The following NPR1 variants were observed in gnomAD, a reference collection of about 807,000 sequenced individuals.
NPR1 encodes atrial natriuretic peptide receptor 1.
A neutral mutation model predicts 116.9 loss-of-function variants in NPR1; 57 were observed. The ratio of observed to expected loss-of-function variants is 0.49; its 90% CI spans 0.39 to 0.61. The LOEUF is 0.61. NPR1 is among the 20% of genes least tolerant of loss of function. The pLI is 0.00. For missense variants in NPR1, 1,096 were observed against 1,409.8 expected (o/e 0.78, Z 3.56); for synonymous variants, 555 against 601.6 (o/e 0.92, Z 1.13).
intron 9 of NPR1, 104 bp downstream of exon 9, chr1:153,685,984 C>T: frequency 7.2e-7 from 1 of 1,386,140 alleles, no homozygotes; most frequent in African/African-American, 1.4e-5. Context: ...TGGTGGGGAG[C>T]AGCAGATGGG....
chr1:153,683,818 T>A lies in NPR1; in HGVS notation c.1478T>A (p.Ile493Lys). Residue 493 changes from isoleucine (I) to lysine (K), a missense_variant, in exon 7 of 22, where the codon ATA (isoleucine) becomes AAA (lysine). By Grantham distance (102) the Ile-to-Lys change is moderately radical. Coordinates refer to ENST00000368680, the MANE Select transcript of NPR1 (RefSeq NM_000906.4). ...LLGILIVSFF[I>K]YRKMQLEKEL... ...GGCATTCTGATTGTCTCCTTCTTCATATACAGGTGAGCTGTGATGTGGGGG... is the reference window on the plus strand; with the variant it reads ...GGCATTCTGATTGTCTCCTTCTTCAAATACAGGTGAGCTGTGATGTGGGGG... 7 of 1,613,466 alleles carry A rather than the reference T, an allele frequency of 4.3e-6. No homozygotes were observed. Among genetic ancestry groups the A allele is most frequent in the Non-Finnish European group, 5.9e-6 (7 of 1,179,878 alleles).
chr1:153,680,935 T>C, intron 2 of NPR1: 1 of 598,296 alleles, frequency 1.7e-6, no homozygotes, highest in Non-Finnish European at 2.9e-6. Context: ...GCTAAAAAGA[T>C]AAGAAAATGG....
chr1:153,690,114 C>CTTCTCTCTCTCTG (rs1557966032), intron 19 of NPR1, 134 bp downstream of exon 19: 1 of 320,920 alleles, frequency 3.1e-6, no homozygotes, highest in Admixed American at 5.5e-5. Flanking sequence ...CTCTGTCTCT[C>CTTCTCTCTCTCTG]TCTCTCTCTC....
At position 153,680,639 on chromosome 1, in the gene NPR1, C is replaced by A. The variant is rs1669744432; in HGVS notation, c.860C>A (p.Ala287Asp). The change falls in exon 2 of 22, where the codon GCT becomes GAT. Residue 287 changes from alanine to aspartate, a missense_variant. Ala to Asp is a moderately radical substitution (Grantham distance 126, BLOSUM62 -2). Transcript: ENST00000368680. ...AGCCTGCAAGGTGGACAGGGCCCTG[C>A]TCCCCGCAGGCCCTGGGAGAGAGGG... Reference protein sequence around the residue: ...GQSLQGGQGPAPRRPWERGDG... With the variant: ...GQSLQGGQGPDPRRPWERGDG... 1 of 1,614,064 alleles carries A rather than the reference C, an allele frequency of 6.2e-7. No individual in the cohort carries two copies. The highest frequency in any genetic ancestry group is 1.3e-5 in the African/African-American group (1 of 74,942).
chr1:153,689,890 A>T lies in NPR1; in HGVS notation c.2842A>T (p.Met948Leu). 1 of 1,580,208 alleles carries T rather than the reference A, an allele frequency of 6.3e-7. No individual in the cohort carries two copies. Among genetic ancestry groups the T allele is most frequent in the Non-Finnish European group, 8.6e-7 (1 of 1,161,570 alleles). The change falls in exon 19 of 22, where the codon ATG becomes TTG. Residue 948 changes from methionine to leucine, a missense_variant. Transcript: ENST00000368680. This position sits in a 1 kb window ranked among gnomAD's most constrained non-coding sequence, Gnocchi z 5.1. ...GCTACACGCCTGCGAGGTAGCCCGC[A>T]TGGCCCTGGCACTGCTGGATGCTGT... is the stretch of plus-strand genomic sequence containing the variant. ...GRLHACEVAR[M>L]ALALLDAVRS...
intron 15 of NPR1, 68 bp downstream of exon 15, chr1:153,688,289 G>C: frequency 6.5e-7 from 1 of 1,541,460 alleles, no homozygotes; most frequent in Non-Finnish European, 8.8e-7. Context: ...AATGCTTCTG[G>C]CTCTGGCTTA....
At chr1:153,680,054 A>G (rs1411622439) in intron 1 of NPR1, among the ~76,000 whole-genome samples, 2 of 87,868 alleles carry the variant, frequency 2.3e-5, no homozygotes, top group East Asian at 6.3e-4. Context: ...CCCGACCCCC[A>G]CTCATTCCCT....
chr1:153,692,811 C>G (rs1001968983), intron 20 of NPR1, among the ~76,000 whole-genome samples: 4 of 152,088 alleles, frequency 2.6e-5, no homozygotes, highest in Admixed American at 6.6e-5. Flanking sequence ...CAGCACCCAG[C>G]CTGAATTTTT....
chr1:153,689,503 C>A lies in NPR1; in HGVS notation c.2739C>A (p.Asp913Glu). The change falls in exon 18 of 22, where the codon GAC (aspartate) becomes GAA (glutamate). Residue 913 changes from aspartate to glutamate, a missense_variant. By Grantham distance (45) the Asp-to-Glu change is conservative. Transcript: ENST00000368680. The surrounding 1 kb of genome is among the most constrained non-coding windows in gnomAD (Gnocchi z 5.1). ...DLYTCFDAVI[D>E]NFDVYKVETI... ...ACACTTGCTTTGATGCTGTCATAGA[C>A]AACTTTGATGTGTACAAGGTGAGGG... 6.2e-7 allele frequency: 1 copy of A among 1,613,908 alleles called. No homozygotes were observed. Among genetic ancestry groups the A allele is most frequent in the Non-Finnish European group, 8.5e-7 (1 of 1,179,846 alleles).
chr1:153,689,263 T>C lies in NPR1; in HGVS notation c.2640T>C (p.Ser880=), dbSNP rs1455981717. Residue 880 remains serine, a synonymous_variant, in exon 17 of 22, where the codon AGT becomes AGC. Transcript: ENST00000368680. The surrounding 1 kb of genome is among the most constrained non-coding windows in gnomAD (Gnocchi z 5.1). ...TTGACAGTGTTACCATCTACTTCAG[T>C]GACATTGTGGGTTTCACAGCGCTGT... ...EAFDSVTIYF[S]DIVGFTALSA... is the part of the protein sequence containing the mutation. The C allele has an allele frequency of 6.2e-7, 1 of 1,614,068 alleles. No individual in the cohort carries two copies. The highest frequency in any genetic ancestry group is 8.5e-7 in the Non-Finnish European group (1 of 1,180,046).
chr1:153,679,157 C>T lies in NPR1; in HGVS notation c.49C>T (p.Leu17Phe). 1 of 1,498,808 alleles carries T rather than the reference C, an allele frequency of 6.7e-7. No individual in the cohort carries two copies. 92.8% of individuals were successfully genotyped at this position (1,498,808 alleles called of 1,614,324 possible). ...TGGCTCCCGCCTGCGCCTGCTCCTGCTCCTGCTGCTGCCGCCGCTGCTGCT... is the reference window on the plus strand; with the variant it reads ...TGGCTCCCGCCTGCGCCTGCTCCTGTTCCTGCTGCTGCCGCCGCTGCTGCT... Reference protein sequence around the residue: ...PAGSRLRLLLLLLLPPLLLLL... With the variant: ...PAGSRLRLLLFLLLPPLLLLL... The change falls in exon 1 of 22, where the codon CTC (leucine) becomes TTC (phenylalanine). Residue 17 changes from leucine to phenylalanine, a missense_variant. Physicochemically the swap from Leu to Phe is conservative, Grantham distance 22. Transcript: ENST00000368680. The surrounding 1 kb of genome is among the most constrained non-coding windows in gnomAD (Gnocchi z 4.2).
chr1:153,685,728 T>C lies in NPR1; in HGVS notation c.1606-78T>C, dbSNP rs1454524869. On this transcript the variant is annotated intron_variant, in intron 8 of 21. Coordinates refer to ENST00000368680, the MANE Select transcript of NPR1 (RefSeq NM_000906.4). ...GATAAGGCAGGATAAGGCAGGGAAATAAAGACCAGAGCACAAGCAATCAGG... is the reference window on the plus strand; with the variant it reads ...GATAAGGCAGGATAAGGCAGGGAAACAAAGACCAGAGCACAAGCAATCAGG... The C allele has an allele frequency of 5.3e-6, 6 of 1,129,452 alleles. No homozygotes were observed. The African/African-American group carries it at 6.2e-5, about 12-fold the overall frequency. 70.0% of individuals were successfully genotyped at this position (1,129,452 alleles called of 1,614,324 possible). A position where few individuals can be genotyped will look rare whatever the true frequency, so the allele number is the denominator to read the frequency against.
chr1:153,683,891 TG>T, intron 7 of NPR1, 67 bp downstream of exon 7: 1 of 1,425,886 alleles, frequency 7.0e-7, no homozygotes. Flanking sequence ...GAGGAGGCGG[TG>T]GGGACCCAGA....
rs757075538 is a variant in NPR1, at chr1:153,693,389, A to C, written c.3161A>C (p.Glu1054Ala). The change falls in exon 22 of 22, where the codon GAG (glutamate) becomes GCG (alanine). Residue 1054 changes from glutamate (E) to alanine (A), a missense_variant. Transcript: ENST00000368680. ...GKVRTYWLLG[E>A]RGSSTRG ...GTTCGGACCTACTGGCTCCTTGGGG[A>C]GAGGGGGAGTAGCACCCGAGGCTGA... 6.2e-7 allele frequency: 1 copy of C among 1,612,404 alleles called. No homozygotes were observed. The highest frequency in any genetic ancestry group is 8.5e-7 in the Non-Finnish European group (1 of 1,179,216).
Position 153,680,551 on chromosome 1 carries a change from G to T in NPR1, c.772G>T (p.Ala258Ser). ...PDAFRTLMLL[A>S]LEAGLCGEDY... ...TGCCTTCAGAACCCTCATGCTCCTGGCCCTGGAAGCTGGCTTGTGTGGGGA... is the reference window on the plus strand; with the variant it reads ...TGCCTTCAGAACCCTCATGCTCCTGTCCCTGGAAGCTGGCTTGTGTGGGGA... Residue 258 changes from alanine (A) to serine (S), a missense_variant, in exon 2 of 22, where the codon GCC (alanine) becomes TCC (serine). Coordinates refer to ENST00000368680, the MANE Select transcript of NPR1 (RefSeq NM_000906.4). The T allele has an allele frequency of 6.2e-7, 1 of 1,614,112 alleles. No individual in the cohort carries two copies. The highest frequency in any genetic ancestry group is 2.2e-5 in the East Asian group (1 of 44,876).
In NPR1 at chr1:153,689,531, G is replaced by A. The variant is rs372543211; in HGVS notation, c.2757+10G>A. 3.7e-6 allele frequency: 6 copies of A among 1,613,004 alleles called. No individual in the cohort carries two copies. In the African/African-American group the frequency reaches 8.0e-5, roughly 22 times the overall value. ...CTTTGATGTGTACAAGGTGAGGGTG[G>A]GAGTGGGGATGGGAAGGGACAGACA... On this transcript the variant is annotated intron_variant, in intron 18 of 21. Transcript: ENST00000368680. The surrounding 1 kb of genome is among the most constrained non-coding windows in gnomAD (Gnocchi z 5.1).
rs1669670206 is a variant in NPR1, at chr1:153,678,793, T to C, written c.-316T>C. 2.9e-6 allele frequency: 1 copy of C among 341,858 alleles called. No individual in the cohort carries two copies. The highest frequency in any genetic ancestry group is 5.2e-6 in the Non-Finnish European group (1 of 191,118). The allele number at this position is 341,858 out of a possible 1,614,324, so 21.2% of individuals were successfully genotyped here. On this transcript the variant is annotated 5_prime_UTR_variant, in exon 1 of 22. Coordinates refer to ENST00000368680, the MANE Select transcript of NPR1 (RefSeq NM_000906.4). The surrounding 1 kb of genome is among the most constrained non-coding windows in gnomAD (Gnocchi z 5.8). ...TTCACGAAGCGCTCACTCGCACCCT[T>C]TCTCTCTCTCTCTCTCTCTCTCTAA... is the stretch of plus-strand genomic sequence containing the variant.
chr1:153,686,674 C>T lies in NPR1; in HGVS notation c.1787C>T (p.Thr596Ile). Residue 596 changes from threonine (T) to isoleucine (I), a missense_variant, in exon 11 of 22, where the codon ACC becomes ATC. Coordinates refer to ENST00000368680, the MANE Select transcript of NPR1 (RefSeq NM_000906.4). ...CGGGATGTGCAGAATGAACACCTGA[C>T]CAGGTTTGTGGGAGCCTGCACCGAC... The part of the protein sequence containing the change: ...HMRDVQNEHL[T>I]RFVGACTDPP... The T allele has an allele frequency of 1.2e-6, 2 of 1,613,886 alleles. No individual in the cohort carries two copies. The highest frequency in any genetic ancestry group is 2.7e-5 in the African/African-American group (2 of 74,964).
chr1:153,679,575 C>T lies in NPR1; in HGVS notation c.467C>T (p.Thr156Ile), dbSNP rs1362071593. The change falls in exon 1 of 22, where the codon ACC (threonine) becomes ATC (isoleucine). Residue 156 changes from threonine to isoleucine, a missense_variant. By Grantham distance (89) the Thr-to-Ile change is moderately conservative (BLOSUM62 -1). Coordinates refer to ENST00000368680, the MANE Select transcript of NPR1 (RefSeq NM_000906.4). The surrounding 1 kb of genome is among the most constrained non-coding windows in gnomAD (Gnocchi z 4.2). ...GTCAAGGACGAGTATGCGCTGACCACCCGCGCGGGGCCCAGCTACGCCAAG... is the reference window on the plus strand; with the variant it reads ...GTCAAGGACGAGTATGCGCTGACCATCCGCGCGGGGCCCAGCTACGCCAAG... Reference protein sequence around the residue: ...FGVKDEYALTTRAGPSYAKLG... With the variant: ...FGVKDEYALTIRAGPSYAKLG... The T allele has an allele frequency of 4.5e-6, 7 of 1,563,766 alleles. No individual in the cohort carries two copies. Among genetic ancestry groups the T allele is most frequent in the Non-Finnish European group, 6.0e-6 (7 of 1,159,394 alleles).
Sources: allele counts gnomAD v4.1 joint callset (sites outside exome capture counted in the v4.1 genomes callset), GRCh38; gene constraint gnomAD v4.1.1; non-coding constraint Gnocchi (gnomAD v3.1); transcripts MANE v1.5; gene names NCBI Gene and HGNC (gene_info 2026-07-23, HGNC 2026-07-21).